TLE4: variants seen among roughly 807,000 people sequenced by gnomAD.
TLE4 encodes transducin-like enhancer protein 4.
Under a neutral mutation model 92.8 loss-of-function variants are expected in TLE4, and 8 were observed. That is an observed-to-expected ratio of 0.09 (90% CI 0.05 to 0.16). TLE4 has a LOEUF of 0.16. Among genes scored for constraint, TLE4 ranks in the 10% least tolerant of loss-of-function variants. The pLI, the probability that TLE4 is intolerant of heterozygous loss-of-function variation, is 1.00. For synonymous variants in TLE4, 371 were observed against 374.1 expected (o/e 0.99, Z 0.10); for missense variants, 675 against 997.6 (o/e 0.68, Z 4.36).
chr9:79,677,671 C>T (rs3901861), intron 8 of TLE4, among the ~76,000 whole-genome samples: 4,149 of 131,048 alleles, frequency 0.032, 87 homozygotes, highest in Non-Finnish European at 0.048. Flanking sequence ...GAGATGGATT[C>T]AATTTTTTTT....
chr9:79,587,999 TTA>T (rs1003541742), intron 4 of TLE4, among the ~76,000 whole-genome samples: 3 of 152,182 alleles, frequency 2.0e-5, no homozygotes, highest in African/African-American at 4.8e-5. Context: ...TTGCCCAGGG[TTA>T]TATATAGCTG....
At chr9:79,575,479 T>C (rs1339905794) in intron 3 of TLE4, among the ~76,000 whole-genome samples, 2 of 152,332 alleles carry the variant, frequency 1.3e-5, no homozygotes, top group East Asian at 3.9e-4. Context: ...ATTTCTGTAG[T>C]GTTATATTGG....
At chr9:79,623,629 G>A (rs10119848) in intron 5 of TLE4, among the ~76,000 whole-genome samples, 106,719 of 150,776 alleles carry the variant, frequency 0.71, 38,290 homozygotes, top group East Asian at 0.83. Context: ...AAATTCCCTA[G>A]TTTTAAGTGT....
intron 1 of TLE4, 115 bp downstream of exon 1, chr9:79,572,950 C>A (rs968414096): frequency 8.8e-7 from 1 of 1,137,410 alleles, no homozygotes; most frequent in African/African-American, 1.7e-5. Flanking sequence ...CGCCCGAAAT[C>A]GGCGCCCCGC....
At chr9:79,677,061 G>C (rs1028623357) in intron 8 of TLE4, among the ~76,000 whole-genome samples, 2 of 152,070 alleles carry the variant, frequency 1.3e-5, no homozygotes, top group African/African-American at 2.4e-5. Context: ...TCAAATCGCA[G>C]ACTAGAGATA....
intron 4 of TLE4, among the ~76,000 whole-genome samples, chr9:79,603,831 C>A (rs1292321556): frequency 1.3e-5 from 2 of 152,124 alleles, no homozygotes; most frequent in Non-Finnish European, 2.9e-5. Flanking sequence ...GCCACTGGGG[C>A]TATAAGACAA....
At position 79,721,897 on chromosome 9, in the gene TLE4, C is replaced by T. The variant is rs111316844; in HGVS notation, c.1986+9C>T. 2.3e-5 allele frequency: 37 copies of T among 1,606,086 alleles called. No homozygotes were observed. The highest frequency in any genetic ancestry group is 1.7e-4 in the Middle Eastern group (1 of 6,050). On this transcript the variant is annotated intron_variant, in intron 17 of 19. Coordinates refer to ENST00000376552, the MANE Select transcript of TLE4 (RefSeq NM_007005.6). ...ACGACTTCACCTCCCAGGTATGATCCGTGGCTGAGGCATTTTAAAGATACG... is the reference window on the plus strand; with the variant it reads ...ACGACTTCACCTCCCAGGTATGATCTGTGGCTGAGGCATTTTAAAGATACG...
At chr9:79,619,861 T>C (rs1196014989) in intron 5 of TLE4, among the ~76,000 whole-genome samples, 1 of 152,204 alleles carries the variant, frequency 6.6e-6, no homozygotes, top group Admixed American at 6.5e-5. Context: ...TTAAAAAATA[T>C]ATATTTTCTC....
At chr9:79,618,422 G>A (rs549246214) in intron 5 of TLE4, among the ~76,000 whole-genome samples, 1 of 152,294 alleles carries the variant, frequency 6.6e-6, no homozygotes, top group African/African-American at 2.4e-5. Flanking sequence ...TACATTCATA[G>A]GGGATGGAAA....
At chr9:79,605,991 T>C (rs2046755039) in intron 4 of TLE4, among the ~76,000 whole-genome samples, 1 of 151,976 alleles carries the variant, frequency 6.6e-6, no homozygotes, top group Non-Finnish European at 1.5e-5. Flanking sequence ...TTTCACATTG[T>C]TTAAGATGAT....
rs113723978 is a variant in TLE4 at position 79,649,820 on chromosome 9, GAGAAAA to G, written c.391-2768_391-2763del. 921 of 1,365,700 alleles carry G rather than the reference GAGAAAA, an allele frequency of 6.7e-4. 7 individuals are homozygous for G. In the African/African-American group the frequency reaches 9.8e-3, roughly 14 times the overall value. The allele number at this position is 1,365,700 out of a possible 1,614,324, so 84.6% of individuals were successfully genotyped here. A position where few individuals can be genotyped will look rare whatever the true frequency, so the allele number is the denominator to read the frequency against. ...TCGGTGCTTATTTTTTATCCTGTAG[GAGAAAA>G]AGAATAAAAGTGACACACCTGGATC... On this transcript the variant is annotated intron_variant, in intron 6 of 19. Transcript: ENST00000376552.
At chr9:79,664,711 G>A (rs746833241) in intron 8 of TLE4, among the ~76,000 whole-genome samples, 10 of 152,026 alleles carry the variant, frequency 6.6e-5, no homozygotes, top group South Asian at 2.1e-4. Context: ...GCCTCCCGCT[G>A]CCACTTCTTC....
intron 4 of TLE4, among the ~76,000 whole-genome samples, chr9:79,586,168 C>G (rs908507995): frequency 6.6e-6 from 1 of 151,958 alleles, no homozygotes; most frequent in Non-Finnish European, 1.5e-5. Context: ...GTCAGGAGAT[C>G]GAGACTGTCC....
chr9:79,675,797 C>T (rs1329614134), intron 8 of TLE4, among the ~76,000 whole-genome samples: 2 of 152,200 alleles, frequency 1.3e-5, no homozygotes, highest in South Asian at 2.1e-4. Context: ...AATCTTATAC[C>T]AGTTAAGTAT....
intron 4 of TLE4, among the ~76,000 whole-genome samples, chr9:79,599,532 G>A (rs1043622974): frequency 6.6e-6 from 1 of 152,116 alleles, no homozygotes; most frequent in African/African-American, 2.4e-5. Context: ...TCTCCTCTCC[G>A]AATTTTGACG....
At chr9:79,584,587 C>T (rs550988104) in intron 4 of TLE4, among the ~76,000 whole-genome samples, 1 of 152,086 alleles carries the variant, frequency 6.6e-6, no homozygotes, top group Non-Finnish European at 1.5e-5. Flanking sequence ...CTGTGCCTAT[C>T]GCATAGTAGA....
Position 79,718,783 on chromosome 9 carries a change from G to A in TLE4, c.1402G>A (p.Ala468Thr), listed in dbSNP as rs372234811. The change falls in exon 15 of 20, where the codon GCC (alanine) becomes ACC (threonine). Residue 468 changes from alanine to threonine, a missense_variant. By Grantham distance (58) the Ala-to-Thr change is moderately conservative. Transcript: ENST00000376552. ...QMQPVPFPPD[A>T]LIGPGIPRHA... ...GCAGCCTGTCCCTTTTCCACCCGAC[G>A]CCCTCATCGGACCTGGAATCCCCCG... 23 of 1,613,852 alleles carry A rather than the reference G, an allele frequency of 1.4e-5. No homozygotes were observed. The highest frequency in any genetic ancestry group is 4.0e-5 in the African/African-American group (3 of 74,824).
At chr9:79,612,526 T>C in intron 4 of TLE4, 130 bp from the exon 5 acceptor site, 2 of 799,422 alleles carry the variant, frequency 2.5e-6, no homozygotes, top group Middle Eastern at 2.3e-4. Context: ...ATGAGATAGT[T>C]TTCCTCTTCC....
intron 8 of TLE4, among the ~76,000 whole-genome samples, chr9:79,679,800 G>A (rs1471302428): frequency 6.6e-6 from 1 of 152,160 alleles, no homozygotes; most frequent in Admixed American, 6.5e-5. Flanking sequence ...TGTGTAAGGT[G>A]TAAGGAAGGG....
Sources: allele counts gnomAD v4.1 joint callset (sites outside exome capture counted in the v4.1 genomes callset), GRCh38; gene constraint gnomAD v4.1.1; transcripts MANE v1.5; gene names NCBI Gene and HGNC (gene_info 2026-07-23, HGNC 2026-07-21).